The following COL3A1 variants were observed in gnomAD, a reference collection of about 807,000 sequenced individuals.
COL3A1 encodes collagen alpha-1(III) chain.
A neutral mutation model predicts 200.9 loss-of-function variants in COL3A1; 46 were observed. That is an observed-to-expected ratio of 0.23 (90% confidence interval 0.18 to 0.29). The LOEUF (loss-of-function observed/expected upper bound fraction) is 0.29, where lower values mean the gene tolerates loss of function less well. Ranked by LOEUF, COL3A1 falls within the 10% of genes least tolerant of loss-of-function variation. The pLI, the probability that COL3A1 is intolerant of heterozygous loss-of-function variation, is 1.00. For synonymous variants in COL3A1, 650 were observed against 628.0 expected (o/e 1.03, Z -0.52); for missense variants, 1,367 against 1,917.6 (o/e 0.71, Z 5.36).
At chr2:189,008,226 A>G in intron 47 of COL3A1, 84 bp downstream of exon 47, 1 of 1,182,428 alleles carries the variant, frequency 8.5e-7, no homozygotes, top group Non-Finnish European at 1.2e-6. Context: ...GTTTAAATTG[A>G]AATAGAGAGA....
chr2:189,007,009 T>C lies in COL3A1; in HGVS notation c.3255+19T>C. The C allele has an allele frequency of 1.2e-6, 2 of 1,609,404 alleles. No individual in the cohort carries two copies. Among genetic ancestry groups the C allele is most frequent in the Non-Finnish European group, 1.7e-6 (2 of 1,178,466 alleles). On this transcript the variant is annotated intron_variant, in intron 44 of 50. Transcript: ENST00000304636. ...TGCTCCTGTAAGTTTTGTCATTTTTTGGTTTTATTTTGTTTTGTTCTTTTT... is the reference window on the plus strand; with the variant it reads ...TGCTCCTGTAAGTTTTGTCATTTTTCGGTTTTATTTTGTTTTGTTCTTTTT...
In COL3A1 at chr2:188,992,950, T is replaced by G. The variant is rs1559055590; in HGVS notation, c.1050+10T>G. 1 of 1,613,384 alleles carries G rather than the reference T, an allele frequency of 6.2e-7. No individual in the cohort carries two copies. The highest frequency in any genetic ancestry group is 8.5e-7 in the Non-Finnish European group (1 of 1,179,422). On this transcript the variant is annotated intron_variant, in intron 15 of 50. Coordinates refer to ENST00000304636, the MANE Select transcript of COL3A1 (RefSeq NM_000090.4). ...ATCCCCTGGTGCTAAGGTAAACATG[T>G]GTTTCTATAGAAGGGTATAAAAATA...
chr2:189,003,590 A>G, intron 37 of COL3A1, 126 bp downstream of exon 37: 2 of 1,315,590 alleles, frequency 1.5e-6, no homozygotes, highest in Non-Finnish European at 2.2e-6. Flanking sequence ...TTCATACATG[A>G]GTTATATGTA....
intron 32 of COL3A1, 26 bp downstream of exon 32, chr2:188,999,921 A>G: frequency 6.4e-7 from 1 of 1,574,058 alleles, no homozygotes; most frequent in Non-Finnish European, 8.6e-7. Context: ...GAGGAGAAGC[A>G]GGCCTTATCT....
At position 189,002,280 on chromosome 2, in the gene COL3A1, G is replaced by A. The variant is rs1434646914; in HGVS notation, c.2392-18G>A. On this transcript the variant is annotated intron_variant, in intron 34 of 50. Transcript: ENST00000304636. The stretch of plus-strand genomic sequence containing the variant: ...ACGCACACTTCACTGTGACTAAGGA[G>A]GATATTTTTCTCTTCAGGGTGAGAG... 10 of 1,609,328 alleles carry A rather than the reference G, an allele frequency of 6.2e-6. No homozygotes were observed. Among genetic ancestry groups the A allele is most frequent in the Non-Finnish European group, 5.1e-6 (6 of 1,175,702 alleles).
At chr2:189,003,160 G>A (rs550234444) in intron 36 of COL3A1, 98 bp downstream of exon 36, 11 of 1,018,374 alleles carry the variant, frequency 1.1e-5, no homozygotes, top group Non-Finnish European at 1.7e-5. Context: ...TCCCCCCTCT[G>A]TAAGTCCTAA....
rs551126768 is a variant in COL3A1, at chr2:189,006,572, G to A, written c.3201+120G>A. On this transcript the variant is annotated intron_variant, in intron 43 of 50. Transcript: ENST00000304636. ...AATATCCACTGTCATTTGTTTTACAGTTTTAATGCTAGTTGTTCCTTAGAC... is the reference window on the plus strand; with the variant it reads ...AATATCCACTGTCATTTGTTTTACAATTTTAATGCTAGTTGTTCCTTAGAC... 79 of 969,164 alleles carry A rather than the reference G, an allele frequency of 8.2e-5. No individual in the cohort carries two copies. In the African/African-American group the frequency reaches 1.2e-3, roughly 15 times the overall value. The allele number at this position is 969,164 out of a possible 1,614,324, so 60.0% of individuals were successfully genotyped here. A position where few individuals can be genotyped will look rare whatever the true frequency, so the allele number is the denominator to read the frequency against.
At chr2:189,002,788 A>T (rs1487064691) in intron 35 of COL3A1, among the ~76,000 whole-genome samples, 167 bp from the exon 36 acceptor site, 1 of 152,192 alleles carries the variant, frequency 6.6e-6, no homozygotes, top group African/African-American at 2.4e-5. Flanking sequence ...TGATCATGAA[A>T]ATATTTTGAT....
Position 188,993,400 on chromosome 2 carries a change from G to A in COL3A1, c.1090G>A (p.Ala364Thr). The change falls in exon 16 of 51, where the codon GCC (alanine) becomes ACC (threonine). Residue 364 changes from alanine (A) to threonine (T), a missense_variant. Physicochemically the swap from Ala to Thr is moderately conservative, Grantham distance 58 (BLOSUM62 0). Transcript: ENST00000304636. ...GPAGSPGSNG[A>T]PGQRGEPGPQ... is the part of the protein sequence containing the mutation. ...TGCAGGGTCTCCTGGTTCAAATGGT[G>A]CCCCTGGACAAAGAGGAGAACCTGG... The A allele has an allele frequency of 2.5e-6, 4 of 1,569,978 alleles. No individual in the cohort carries two copies. Among genetic ancestry groups the A allele is most frequent in the Non-Finnish European group, 3.5e-6 (4 of 1,156,218 alleles).
In COL3A1 at chr2:188,987,118, C is replaced by T. The variant is rs142437505; in HGVS notation, c.507C>T (p.Leu169=). 5 of 1,612,496 alleles carry T rather than the reference C, an allele frequency of 3.1e-6. No individual in the cohort carries two copies. Among genetic ancestry groups the T allele is most frequent in the Non-Finnish European group, 4.2e-6 (5 of 1,178,940 alleles). ...DVKSGVAVGG[L]AGYPGPAGPP... ...AGTCTGGAGTAGCAGTAGGAGGACT[C>T]GCAGGCTATCCTGGACCAGCTGTAC... The change falls in exon 5 of 51, where the codon CTC becomes CTT. Residue 169 remains leucine, a synonymous_variant. Transcript: ENST00000304636.
At position 189,007,696 on chromosome 2, in the gene COL3A1, G is replaced by A. The variant is rs766872570; in HGVS notation, c.3363+89G>A. On this transcript the variant is annotated intron_variant, in intron 45 of 50. Coordinates refer to ENST00000304636, the MANE Select transcript of COL3A1 (RefSeq NM_000090.4). ...GAAAGCTTTCCATCTCTAAAAATAT[G>A]TACTAGAAGAGATGAGAAATGGATT... 3.5e-5 allele frequency: 44 copies of A among 1,265,464 alleles called. No homozygotes were observed. In the Middle Eastern group the frequency reaches 9.6e-4, roughly 28 times the overall value. 78.4% of individuals were successfully genotyped at this position (1,265,464 alleles called of 1,614,324 possible). A position where few individuals can be genotyped will look rare whatever the true frequency, so the allele number is the denominator to read the frequency against.
intron 29 of COL3A1, 72 bp from the exon 30 acceptor site, chr2:188,999,213 T>C (rs1274036395): frequency 2.0e-5 from 27 of 1,371,394 alleles, no homozygotes; most frequent in Non-Finnish European, 2.5e-5. Context: ...TGATTCAAAA[T>C]GATGCAAGTT....
chr2:188,974,771 CT>C (rs1687772917), intron 1 of COL3A1, among the ~76,000 whole-genome samples: 1 of 152,092 alleles, frequency 6.6e-6, no homozygotes, highest in Non-Finnish European at 1.5e-5. Context: ...TTTAAGAGTT[CT>C]GTGGTTAAGA....
chr2:188,998,752 C>A, intron 29 of COL3A1, 34 bp downstream of exon 29: 1 of 1,592,830 alleles, frequency 6.3e-7, no homozygotes, highest in Non-Finnish European at 8.6e-7. Context: ...CCTTCTTCAG[C>A]AGGTTATAGA....
chr2:188,997,418 G>A, intron 26 of COL3A1, 29 bp downstream of exon 26: 5 of 1,603,300 alleles, frequency 3.1e-6, no homozygotes, highest in Non-Finnish European at 3.4e-6. Flanking sequence ...AATTGGAGAT[G>A]AAAATAGGGT....
At chr2:188,995,890 A>G (rs897864147) in intron 22 of COL3A1, 100 bp downstream of exon 22, 79 of 1,132,848 alleles carry the variant, frequency 7.0e-5, no homozygotes, top group East Asian at 1.5e-4. Context: ...ATCAGATTAC[A>G]TATTTTGTAA....
chr2:188,998,255 A>T lies in COL3A1; in HGVS notation c.1924-11A>T. ...GAGGTAATTACCTAATACAAATATG[A>T]TTCTTTCTAGGGCTTGCCTGGTACA... On this transcript the variant is annotated splice_polypyrimidine_tract_variant and intron_variant, in intron 27 of 50. Coordinates refer to ENST00000304636, the MANE Select transcript of COL3A1 (RefSeq NM_000090.4). The T allele has an allele frequency of 6.2e-7, 1 of 1,612,788 alleles. No individual in the cohort carries two copies. The highest frequency in any genetic ancestry group is 2.2e-5 in the East Asian group (1 of 44,852).
At chr2:189,004,499 A>G (rs1295522175) in intron 40 of COL3A1, 135 bp downstream of exon 40, 1 of 820,522 alleles carries the variant, frequency 1.2e-6, no homozygotes, top group Non-Finnish European at 1.9e-6. Flanking sequence ...TTATTTTTAG[A>G]TTTTTAAAAG....
chr2:188,992,353 T>C, intron 14 of COL3A1, 125 bp downstream of exon 14: 2 of 826,780 alleles, frequency 2.4e-6, no homozygotes, highest in Non-Finnish European at 3.9e-6. Flanking sequence ...ATCTCTAATA[T>C]ACACATTAGC....
Sources: gnomAD v4.1 joint callset for allele counts (sites outside exome capture counted in the v4.1 genomes callset) on GRCh38, gnomAD v4.1.1 for gene constraint, MANE v1.5 for transcripts, NCBI Gene and HGNC (gene_info 2026-07-23, HGNC 2026-07-21) for gene names.